Variants in TINAG observed in about 807,000 individuals in gnomAD.
TINAG encodes tubulointerstitial nephritis antigen.
Under a neutral mutation model 72.7 loss-of-function variants are expected in TINAG, and 83 were observed. The ratio of observed to expected loss-of-function variants is 1.14; its 90% CI spans 0.96 to 1.37. The LOEUF (loss-of-function observed/expected upper bound fraction) is 1.37, where lower values mean the gene tolerates loss of function less well. Ranked by LOEUF, TINAG falls within the 40% of genes most tolerant of loss-of-function variation. The pLI is 0.00. For missense variants in TINAG, 685 were observed against 576.6 expected (o/e 1.19, Z -1.93); for synonymous variants, 234 against 189.9 (o/e 1.23, Z -1.91).
At chr6:54,353,002 A>G (rs534701277) in intron 8 of TINAG, among the ~76,000 whole-genome samples, 1 of 151,942 alleles carries the variant, frequency 6.6e-6, no homozygotes, top group Admixed American at 6.6e-5. Flanking sequence ...GGAACAACCA[A>G]ACATCTCATC....
intron 9 of TINAG, among the ~76,000 whole-genome samples, chr6:54,370,486 C>T (rs1489788194): frequency 6.6e-6 from 1 of 151,896 alleles, no homozygotes; most frequent in Non-Finnish European, 1.5e-5. Context: ...TATTTATATA[C>T]TCTCAAGTTT....
intron 9 of TINAG, among the ~76,000 whole-genome samples, chr6:54,359,028 T>A (rs889977628): frequency 4.0e-5 from 6 of 151,890 alleles, no homozygotes; most frequent in African/African-American, 1.4e-4. Context: ...CCCATTTTTC[T>A]TCGGTACAGA....
Position 54,354,607 on chromosome 6 carries a change from G to A in TINAG, c.1221G>A (p.Lys407=). ...STNKESEKYR[K]LQTHAVKLTG... ...ATAAAGAATCAGAAAAATATCGAAA[G>A]CTTCAGACACATGCAGTCAAACTCA... Residue 407 remains lysine (K), a synonymous_variant, in exon 9 of 11, where the codon AAG becomes AAA. Coordinates refer to ENST00000259782, the MANE Select transcript of TINAG (RefSeq NM_014464.4). The A allele has an allele frequency of 6.2e-7, 1 of 1,610,572 alleles. No individual in the cohort carries two copies. Among genetic ancestry groups the A allele is most frequent in the South Asian group, 1.1e-5 (1 of 90,858 alleles).
intron 8 of TINAG, among the ~76,000 whole-genome samples, chr6:54,352,078 AT>A (rs1264248966): frequency 6.6e-6 from 1 of 151,858 alleles, no homozygotes; most frequent in African/African-American, 2.4e-5. Context: ...CACAGAATGT[AT>A]TCCCTGTATA....
At chr6:54,386,032 C>T (rs1764090250) in intron 10 of TINAG, among the ~76,000 whole-genome samples, 1 of 151,748 alleles carries the variant, frequency 6.6e-6, no homozygotes, top group Admixed American at 6.6e-5. Flanking sequence ...GCTGGGAATA[C>T]AGACACCCGC....
At chr6:54,376,704 C>A (rs1763792604) in intron 9 of TINAG, among the ~76,000 whole-genome samples, 2 of 151,988 alleles carry the variant, frequency 1.3e-5, no homozygotes, top group African/African-American at 2.4e-5. Flanking sequence ...ATATTAATAA[C>A]CTTAGAAGTA....
chr6:54,331,483 A>G (rs1400204069), intron 4 of TINAG, among the ~76,000 whole-genome samples: 4 of 152,202 alleles, frequency 2.6e-5, no homozygotes, highest in Non-Finnish European at 2.9e-5. Flanking sequence ...TATCTATGAC[A>G]AACCCACAGC....
chr6:54,321,303 C>T lies in TINAG; in HGVS notation c.426C>T (p.Cys142=), dbSNP rs749642731. 1 of 1,613,526 alleles carries T rather than the reference C, an allele frequency of 6.2e-7. No individual in the cohort carries two copies. The highest frequency in any genetic ancestry group is 1.1e-5 in the South Asian group (1 of 91,062). ...VIKENCNSCT[C]SGQQWKCSQH... The stretch of plus-strand genomic sequence containing the variant: ...AATTGTCATATCTTTGCAGCACATG[C>T]TCAGGACAGCAATGGAAATGTTCCC... Residue 142 remains cysteine, a synonymous_variant, in exon 3 of 11, where the codon TGC becomes TGT. Transcript: ENST00000259782.
At chr6:54,368,528 C>A (rs1763506687) in intron 9 of TINAG, among the ~76,000 whole-genome samples, 1 of 150,874 alleles carries the variant, frequency 6.6e-6, no homozygotes, top group South Asian at 2.1e-4. Flanking sequence ...TGTACCTCTT[C>A]CTCACTCTTT....
At chr6:54,372,008 T>TTTTTTTTTG (rs1763631576) in intron 9 of TINAG, among the ~76,000 whole-genome samples, 1 of 119,854 alleles carries the variant, frequency 8.3e-6, no homozygotes, top group Non-Finnish European at 1.7e-5. Context: ...TTTTTTTTTT[T>TTTTTTTTTG]GAGATGGAGT....
upstream of TINAG, chr6:54,308,112 A>C: frequency 6.5e-7 from 1 of 1,549,806 alleles, no homozygotes; most frequent in Non-Finnish European, 8.7e-7. Flanking sequence ...GAAACGAATA[A>C]TTGCATTTTT....
chr6:54,352,931 AT>A (rs1785300567), intron 8 of TINAG, among the ~76,000 whole-genome samples: 2 of 151,848 alleles, frequency 1.3e-5, no homozygotes, highest in Non-Finnish European at 2.9e-5. Flanking sequence ...TTCAACATTC[AT>A]TTAACAAAGA....
chr6:54,372,101 C>T (rs1763635449), intron 9 of TINAG, among the ~76,000 whole-genome samples: 1 of 144,542 alleles, frequency 6.9e-6, no homozygotes, highest in Non-Finnish European at 1.5e-5. Flanking sequence ...AAGTTATTCT[C>T]CTGCCTCAGC....
At chr6:54,339,361 A>T (rs1161790935) in intron 4 of TINAG, among the ~76,000 whole-genome samples, 1 of 152,150 alleles carries the variant, frequency 6.6e-6, no homozygotes, top group African/African-American at 2.4e-5. Context: ...CCAAGGTCAT[A>T]TAATGGTTCA....
At chr6:54,316,625 GA>G (rs1784378717) in intron 1 of TINAG, among the ~76,000 whole-genome samples, 3 of 152,148 alleles carry the variant, frequency 2.0e-5, no homozygotes, top group South Asian at 4.1e-4. Flanking sequence ...ACACTGTGGT[GA>G]ACTATTTTAA....
At chr6:54,338,082 G>T (rs1271418367) in intron 4 of TINAG, among the ~76,000 whole-genome samples, 24 of 151,980 alleles carry the variant, frequency 1.6e-4, no homozygotes, top group Admixed American at 1.5e-3. Context: ...GAAAATATAC[G>T]CCTGGCCTCA....
chr6:54,381,120 T>TACAGGATATATATACAC (rs1763935462), intron 10 of TINAG, among the ~76,000 whole-genome samples: 1 of 149,682 alleles, frequency 6.7e-6, no homozygotes, highest in Admixed American at 6.7e-5. Flanking sequence ...ATATGTAACC[T>TACAGGATATATATACAC]ACAGGATATA....
At chr6:54,340,395 C>CAAA (rs374080620) in intron 4 of TINAG, among the ~76,000 whole-genome samples, 1 of 125,330 alleles carries the variant, frequency 8.0e-6, no homozygotes. Context: ...TTTTATTAAG[C>CAAA]AAAAAAAAAA....
intron 9 of TINAG, among the ~76,000 whole-genome samples, chr6:54,366,727 A>C (rs1178709517): frequency 6.6e-6 from 1 of 151,634 alleles, no homozygotes; most frequent in Non-Finnish European, 1.5e-5. Context: ...ACATAATTCC[A>C]AATCTGGGGA....
Sources: allele counts gnomAD v4.1 joint callset (sites outside exome capture counted in the v4.1 genomes callset), GRCh38; gene constraint gnomAD v4.1.1; transcripts MANE v1.5; gene names NCBI Gene and HGNC (gene_info 2026-07-23, HGNC 2026-07-21).